WDR20: variants seen among roughly 807,000 people sequenced by gnomAD.
WDR20 encodes the protein WD repeat domain 20, also known as WD repeat-containing protein 20.
A neutral mutation model predicts 38.7 loss-of-function variants in WDR20; 3 were observed. The ratio of observed to expected loss-of-function variants is 0.08; its 90% confidence interval spans 0.04 to 0.20. The LOEUF is 0.20. Among genes scored for constraint, WDR20 ranks in the 10% least tolerant of loss-of-function variants. WDR20 has a pLI of 1.00. For missense variants in WDR20, 559 were observed against 727.7 expected, an observed-to-expected ratio of 0.77 and a Z score of 2.67; for synonymous variants, 298 against 285.6, an observed-to-expected ratio of 1.04 and a Z score of -0.44.
chr14:102,198,325 C>T, intron 2 of WDR20: 2 of 310,968 alleles, frequency 6.4e-6, no homozygotes, highest in Non-Finnish European at 1.3e-5. Flanking sequence ...ACCATGTTGG[C>T]CAGGCTAGTC....
chr14:102,175,338 T>C (rs1190622430), intron 1 of WDR20, among the ~76,000 whole-genome samples: 2 of 152,214 alleles, frequency 1.3e-5, no homozygotes. Flanking sequence ...TTTGTTTGCT[T>C]TGTTGAAGAT....
intron 2 of WDR20, among the ~76,000 whole-genome samples, chr14:102,200,467 T>TTTTGTG (rs748066838): frequency 0.011 from 1,284 of 117,556 alleles, 14 homozygotes; most frequent in African/African-American, 0.015. Context: ...ATTTTTTTTT[T>TTTTGTG]TGTGTGTGTG....
chr14:102,182,736 G>A (rs2063656305), intron 1 of WDR20, among the ~76,000 whole-genome samples: 1 of 151,494 alleles, frequency 6.6e-6, no homozygotes, highest in Admixed American at 6.6e-5. Flanking sequence ...TGACAAAAAG[G>A]CAAAAAATAT....
chr14:102,165,436 G>C (rs2059556845), intron 1 of WDR20, among the ~76,000 whole-genome samples: 2 of 151,948 alleles, frequency 1.3e-5, no homozygotes, highest in South Asian at 4.2e-4. Flanking sequence ...GGTTTACTCT[G>C]TTCTTTTTCT....
rs1196429471 is a variant in WDR20 at position 102,182,717 on chromosome 14, T to C, written c.250-12221T>C. Among the ~76,000 whole-genome samples, 7 of 151,902 alleles carry C rather than the reference T, an allele frequency of 4.6e-5. No individual in the cohort carries two copies. In the East Asian group the frequency reaches 9.6e-4, roughly 21 times the overall value. ...TTCTATTAAAAAATTATATATAATA[T>C]ATGATTATTGACAAAAAGGCAAAAA... On this transcript the variant is annotated intron_variant, in intron 1 of 2. Transcript: ENST00000342702.
chr14:102,191,025 TAGG>T (rs995157521), intron 1 of WDR20, among the ~76,000 whole-genome samples: 11 of 151,030 alleles, frequency 7.3e-5, no homozygotes, highest in African/African-American at 2.7e-4. Flanking sequence ...AGAAAAAAAT[TAGG>T]AGACATTTTG....
chr14:102,200,466 T>TGGG (rs1347562692), intron 2 of WDR20, among the ~76,000 whole-genome samples: 3 of 106,022 alleles, frequency 2.8e-5, no homozygotes, highest in African/African-American at 1.3e-4. Flanking sequence ...AATTTTTTTT[T>TGGG]TTGTGTGTGT....
intron 1 of WDR20, among the ~76,000 whole-genome samples, chr14:102,177,289 A>G (rs905051177): frequency 6.6e-6 from 1 of 152,176 alleles, no homozygotes; most frequent in Non-Finnish European, 1.5e-5. Flanking sequence ...CTACTTGCCA[A>G]TGCCATTGCC....
downstream of WDR20, among the ~76,000 whole-genome samples, chr14:102,215,891 C>T (rs941513890): frequency 4.6e-5 from 7 of 152,192 alleles, no homozygotes; most frequent in Admixed American, 4.6e-4. Flanking sequence ...CTGATCTGAG[C>T]AGCGCCCTGG....
At chr14:102,147,211 A>G (rs1595822879) in intron 1 of WDR20, among the ~76,000 whole-genome samples, 1 of 152,296 alleles carries the variant, frequency 6.6e-6, no homozygotes. Flanking sequence ...CCTGGCCAAC[A>G]CGGGGAAACC....
At chr14:102,162,431 TATTG>T (rs1205761364) in intron 1 of WDR20, among the ~76,000 whole-genome samples, 1 of 152,162 alleles carries the variant, frequency 6.6e-6, no homozygotes, top group African/African-American at 2.4e-5. Flanking sequence ...AACCATATCT[TATTG>T]ATCATATCAA....
At chr14:102,148,669 T>TTGCGTG (rs2054565842) in intron 1 of WDR20, among the ~76,000 whole-genome samples, 1 of 144,836 alleles carries the variant, frequency 6.9e-6, no homozygotes, top group African/African-American at 2.6e-5. Context: ...GAGTTTGGCT[T>TTGCGTG]TGTGTGTGTG....
chr14:102,155,039 A>G (rs924185653), intron 1 of WDR20, among the ~76,000 whole-genome samples: 1 of 152,216 alleles, frequency 6.6e-6, no homozygotes, highest in Non-Finnish European at 1.5e-5. Context: ...AGTTTAAAAT[A>G]GACCAACTCA....
chr14:102,146,708 G>A (rs2152693897), intron 1 of WDR20, among the ~76,000 whole-genome samples: 1 of 152,122 alleles, frequency 6.6e-6, no homozygotes, highest in Middle Eastern at 3.4e-3. Context: ...TGAACTAGAT[G>A]CCTTTAAAAA....
intron 2 of WDR20, among the ~76,000 whole-genome samples, chr14:102,204,472 C>T (rs111642639): frequency 1.3e-5 from 2 of 152,316 alleles, no homozygotes; most frequent in African/African-American, 4.8e-5. Context: ...ATTTCACTGT[C>T]TTCTCATCCC....
At chr14:102,212,538 A>C (rs1336141640), downstream of WDR20, 3 of 1,535,836 alleles carry the variant, frequency 2.0e-6, no homozygotes, top group African/African-American at 1.4e-5. Context: ...GCACTTCTGC[A>C]GGCAGGAGGA....
intron 1 of WDR20, among the ~76,000 whole-genome samples, chr14:102,171,879 TTTTA>T (rs1311370312): frequency 1.3e-5 from 2 of 151,584 alleles, no homozygotes; most frequent in Non-Finnish European, 2.9e-5. Flanking sequence ...TTTTTCTGTT[TTTTA>T]TTTTTGTTTT....
At chr14:102,177,405 A>G (rs963986009) in intron 1 of WDR20, among the ~76,000 whole-genome samples, 18 of 152,178 alleles carry the variant, frequency 1.2e-4, no homozygotes, top group Non-Finnish European at 1.9e-4. Context: ...TTGCTGTCCA[A>G]TGTGCCAGAA....
rs138741120 is a variant in WDR20, at chr14:102,157,073, G to A, written c.249+16901G>A. 4.6e-3 allele frequency among the ~76,000 whole-genome samples: 695 copies of A among 152,228 alleles called. 10 individuals carry two copies. Among genetic ancestry groups the A allele is most frequent in the African/African-American group, 0.016 (645 of 41,508 alleles). On this transcript the variant is annotated intron_variant, in intron 1 of 2. Transcript: ENST00000342702. ...GGCCAAGAGTTTGAGGCCAGCCTGG[G>A]CAACACTGTGAGACCCCCATCTCTG...
Sources: gnomAD v4.1 joint callset for allele counts (sites outside exome capture counted in the v4.1 genomes callset) on GRCh38, gnomAD v4.1.1 for gene constraint, MANE v1.5 for transcripts, NCBI Gene and HGNC (gene_info 2026-07-23, HGNC 2026-07-21) for gene names.